Variants in CCDC3 observed in about 807,000 individuals in gnomAD.
CCDC3 encodes the protein coiled-coil domain containing 3, also known as coiled-coil domain-containing protein 3.
A neutral mutation model predicts 21.4 loss-of-function variants in CCDC3; 24 were observed. That is an observed-to-expected ratio of 1.12 (90% CI 0.81 to 1.58). CCDC3 has a LOEUF of 1.58. CCDC3 is among the 40% of genes most tolerant of loss of function. The pLI is 0.00. For missense variants in CCDC3, 425 were observed against 360.9 expected (o/e 1.18, Z -1.44); for synonymous variants, 186 against 166.0 (o/e 1.12, Z -0.93).
At chr10:12,903,470 T>C (rs1013812382) in intron 2 of CCDC3, among the ~76,000 whole-genome samples, 19 of 152,238 alleles carry the variant, frequency 1.2e-4, no homozygotes, top group African/African-American at 4.6e-4. Context: ...CTTTGTGGTA[T>C]TTTTTGGTAA....
At chr10:13,066,153 A>C (rs966511539) in intron 4 of CCDC3, among the ~76,000 whole-genome samples, 1 of 147,254 alleles carries the variant, frequency 6.8e-6, no homozygotes, top group Admixed American at 7.0e-5. Flanking sequence ...CTTAACAAGC[A>C]CCCTAGGTGA....
At chr10:13,091,440 G>C (rs1241898577) in intron 3 of CCDC3, among the ~76,000 whole-genome samples, 1 of 152,082 alleles carries the variant, frequency 6.6e-6, no homozygotes, top group African/African-American at 2.4e-5. Flanking sequence ...TATGAACCAG[G>C]AGGCAGGCCC....
intron 2 of CCDC3, among the ~76,000 whole-genome samples, chr10:12,972,410 C>A (rs143450075): frequency 3.3e-5 from 5 of 152,182 alleles, no homozygotes; most frequent in East Asian, 1.9e-4. Context: ...CTGCCCTCAA[C>A]CACATCCCAT....
At position 13,048,263 on chromosome 10, in the gene CCDC3, C is replaced by T. The variant is rs543658563; in HGVS notation, c.-2+1411G>A. Reference sequence around the variant, plus strand: ...CTGGAGTGCAGTGGCGCGATCTCAGCTCACTGCAGCCTCTGCCTCCCAGGT... The same window carrying T: ...CTGGAGTGCAGTGGCGCGATCTCAGTTCACTGCAGCCTCTGCCTCCCAGGT... On this transcript the variant is annotated intron_variant, in intron 5 of 6. Transcript: ENST00000378839. 1.7e-3 allele frequency among the ~76,000 whole-genome samples: 252 copies of T among 152,254 alleles called. 1 individual carries two copies. Among genetic ancestry groups the T allele is most frequent in the East Asian group, 4.4e-3 (23 of 5,172 alleles).
chr10:13,018,161 A>C (rs1836094357), intron 5 of CCDC3, among the ~76,000 whole-genome samples: 1 of 150,976 alleles, frequency 6.6e-6, no homozygotes, highest in Non-Finnish European at 1.5e-5. Flanking sequence ...AGATATCATA[A>C]ACACAAAGCC....
chr10:13,038,589 C>T (rs1836408898), intron 5 of CCDC3, among the ~76,000 whole-genome samples: 1 of 152,218 alleles, frequency 6.6e-6, no homozygotes, highest in African/African-American at 2.4e-5. Flanking sequence ...GGCTTGGCAT[C>T]ACTGGTTGGC....
chr10:12,996,277 C>T (rs1312319478), intron 2 of CCDC3, among the ~76,000 whole-genome samples: 1 of 152,116 alleles, frequency 6.6e-6, no homozygotes, highest in African/African-American at 2.4e-5. Flanking sequence ...ACTTTCTAAC[C>T]ATCAGGGAGG....
intron 3 of CCDC3, among the ~76,000 whole-genome samples, chr10:13,096,729 A>C (rs2131458912): frequency 6.6e-6 from 1 of 152,240 alleles, no homozygotes; most frequent in South Asian, 2.1e-4. Context: ...AATCTGCGGG[A>C]GGTTCCCAAA....
At chr10:13,065,729 C>T (rs553228982) in intron 4 of CCDC3, among the ~76,000 whole-genome samples, 2 of 152,264 alleles carry the variant, frequency 1.3e-5, no homozygotes, top group Admixed American at 1.3e-4. Flanking sequence ...CTTCTAAATC[C>T]CTGCAACATT....
At chr10:12,996,251 C>T (rs889692043) in intron 2 of CCDC3, among the ~76,000 whole-genome samples, 6 of 152,148 alleles carry the variant, frequency 3.9e-5, no homozygotes, top group African/African-American at 1.2e-4. Flanking sequence ...ACATGAGAAG[C>T]GTTCAGAAAG....
chr10:12,977,356 T>G (rs993675444), intron 2 of CCDC3, among the ~76,000 whole-genome samples: 2 of 151,968 alleles, frequency 1.3e-5, no homozygotes, highest in African/African-American at 4.8e-5. Flanking sequence ...AAGTGTCGTG[T>G]CTTTAAGAGA....
At chr10:12,987,318 G>A (rs997666672) in intron 2 of CCDC3, among the ~76,000 whole-genome samples, 1 of 152,194 alleles carries the variant, frequency 6.6e-6, no homozygotes, top group African/African-American at 2.4e-5. Flanking sequence ...AAGCACGTAG[G>A]AAGGATTTTC....
intron 2 of CCDC3, among the ~76,000 whole-genome samples, chr10:12,981,505 C>T (rs1054670074): frequency 2.6e-5 from 4 of 151,982 alleles, no homozygotes; most frequent in Non-Finnish European, 5.9e-5. Flanking sequence ...TTTGGATCCA[C>T]CTAAGCATAT....
Position 12,998,515 on chromosome 10 carries a change from A to G in CCDC3, c.375-3T>C. On this transcript the variant is annotated splice_region_variant and splice_polypyrimidine_tract_variant and intron_variant, in intron 1 of 2. Coordinates refer to ENST00000378825, the MANE Select transcript of CCDC3 (RefSeq NM_031455.4). ...AGAGGTTATAATTTTCATCCATCCT[A>G]ATGGAGGAAAAAAAGGCAGACATGT... 6.2e-7 allele frequency: 1 copy of G among 1,613,374 alleles called. No homozygotes were observed. The highest frequency in any genetic ancestry group is 8.5e-7 in the Non-Finnish European group (1 of 1,179,646).
chr10:13,090,817 A>G (rs1659847), intron 3 of CCDC3, among the ~76,000 whole-genome samples: 3 of 152,212 alleles, frequency 2.0e-5, no homozygotes, highest in African/African-American at 7.2e-5. Context: ...AGGAGAATTG[A>G]CTCACACGAT....
chr10:12,967,218 A>C (rs1294172294), intron 2 of CCDC3, among the ~76,000 whole-genome samples: 1 of 152,266 alleles, frequency 6.6e-6, no homozygotes, highest in Non-Finnish European at 1.5e-5. Flanking sequence ...AAATGAACCC[A>C]GAACAGCTCC....
intron 2 of CCDC3, among the ~76,000 whole-genome samples, chr10:12,951,187 A>C (rs1835002514): frequency 1.3e-5 from 2 of 152,206 alleles, no homozygotes; most frequent in Non-Finnish European, 2.9e-5. Flanking sequence ...CCTGGGAAAC[A>C]TAGTGAGACT....
chr10:13,012,012 T>A (rs1198000540), intron 5 of CCDC3, among the ~76,000 whole-genome samples: 2 of 152,214 alleles, frequency 1.3e-5, no homozygotes, highest in East Asian at 3.9e-4. Context: ...AGATTGAAAC[T>A]GGACCCCTTC....
intron 4 of CCDC3, among the ~76,000 whole-genome samples, chr10:13,064,026 C>G (rs1836794452): frequency 6.6e-6 from 1 of 151,950 alleles, no homozygotes; most frequent in African/African-American, 2.4e-5. Flanking sequence ...CTCCCTGATT[C>G]AAGTGATTCT....
Sources: allele counts gnomAD v4.1 joint callset (sites outside exome capture counted in the v4.1 genomes callset), GRCh38; gene constraint gnomAD v4.1.1; transcripts MANE v1.5; gene names NCBI Gene and HGNC (gene_info 2026-07-23, HGNC 2026-07-21).